The following ZEB1 variants were observed in gnomAD, a reference collection of about 807,000 sequenced individuals.
ZEB1 encodes the protein zinc finger E-box-binding homeobox 1.
In ZEB1, 21 loss-of-function variants were observed where a neutral mutation model predicts 84.9. The ratio of observed to expected loss-of-function variants is 0.25; its 90% CI spans 0.18 to 0.36. The LOEUF is 0.36. Ranked by LOEUF, ZEB1 falls within the 10% of genes least tolerant of loss-of-function variation. ZEB1 has a pLI of 1.00. For synonymous variants in ZEB1, 420 were observed against 471.1 expected (o/e 0.89, Z 1.41); for missense variants, 1,104 against 1,330.2 (o/e 0.83, Z 2.65).
chr10:31,385,301 C>T (rs997840783), intron 1 of ZEB1, among the ~76,000 whole-genome samples: 31 of 152,156 alleles, frequency 2.0e-4, no homozygotes, highest in Non-Finnish European at 4.4e-5. Context: ...TGAAATGCAC[C>T]ATACACATTG....
upstream of ZEB1, chr10:31,319,140 T>TGGGGAGG (rs1202004701): frequency 2.2e-5 from 6 of 275,338 alleles, no homozygotes; most frequent in South Asian, 3.2e-5. Context: ...CCAGGTGCGG[T>TGGGGAGG]GGGGAGGGGG....
intron 2 of ZEB1, among the ~76,000 whole-genome samples, chr10:31,468,744 A>G (rs565414807): frequency 6.6e-6 from 1 of 152,306 alleles, no homozygotes; most frequent in African/African-American, 2.4e-5. Flanking sequence ...CAACATATGC[A>G]AGAGTCACAC....
chr10:31,376,072 C>A (rs1054876233), intron 1 of ZEB1, among the ~76,000 whole-genome samples: 1 of 151,628 alleles, frequency 6.6e-6, no homozygotes, highest in African/African-American at 2.4e-5. Context: ...ATAGTGAGAT[C>A]ATTATTAAAT....
intron 1 of ZEB1, among the ~76,000 whole-genome samples, chr10:31,402,028 A>G (rs1439070127): frequency 6.6e-6 from 1 of 152,026 alleles, no homozygotes; most frequent in Non-Finnish European, 1.5e-5. Context: ...GTACCTAGGT[A>G]GAGCAGTACC....
At chr10:31,435,521 C>T (rs1273706138) in intron 1 of ZEB1, among the ~76,000 whole-genome samples, 1 of 152,126 alleles carries the variant, frequency 6.6e-6, no homozygotes, top group Non-Finnish European at 1.5e-5. Context: ...AAGGATAAAG[C>T]ATGTTGGTTT....
At chr10:31,334,217 T>C (rs1378374140) in intron 1 of ZEB1, among the ~76,000 whole-genome samples, 1 of 152,092 alleles carries the variant, frequency 6.6e-6, no homozygotes, top group Non-Finnish European at 1.5e-5. Flanking sequence ...ATTCCACAAC[T>C]AAAGTAGAGG....
At position 31,419,932 on chromosome 10, in the gene ZEB1, G is replaced by A. The variant is rs185264971; in HGVS notation, c.59-41105G>A. 3.3e-5 allele frequency among the ~76,000 whole-genome samples: 5 copies of A among 152,238 alleles called. No individual in the cohort carries two copies. The East Asian group carries it at 9.7e-4, about 29-fold the overall frequency. On this transcript the variant is annotated intron_variant, in intron 1 of 8. Coordinates refer to ENST00000424869, the MANE Select transcript of ZEB1 (RefSeq NM_001174096.2). The stretch of plus-strand genomic sequence containing the variant: ...ATGTTGGCCTCATACCTCCGAAGTA[G>A]TATGTCTGGAATTAGCCTGTCTGTA...
rs1479213624 is a variant in ZEB1, at chr10:31,502,432, C to T, written c.407C>T (p.Thr136Ile). The T allele has an allele frequency of 1.2e-6, 2 of 1,613,744 alleles. No individual in the cohort carries two copies. The highest frequency in any genetic ancestry group is 2.7e-5 in the African/African-American group (2 of 74,874). The change falls in exon 4 of 9, where the codon ACT becomes ATT. Residue 136 changes from threonine (T) to isoleucine (I), a missense_variant. Thr to Ile is a moderately conservative substitution (Grantham distance 89). Coordinates refer to ENST00000424869, the MANE Select transcript of ZEB1 (RefSeq NM_001174096.2). ...NVEEFLQQQDTAVIFPEAPEE... is the reference protein window; with the variant it reads ...NVEEFLQQQDIAVIFPEAPEE... ...GAAGAGTTTCTACAACAACAAGACA[C>T]TGCTGTCATTTTTCCTGAGGCACCT... is the stretch of plus-strand genomic sequence containing the variant.
At chr10:31,496,554 T>C (rs545554807) in intron 3 of ZEB1, among the ~76,000 whole-genome samples, 5 of 152,172 alleles carry the variant, frequency 3.3e-5, no homozygotes, top group African/African-American at 7.2e-5. Flanking sequence ...TTGTGTTCCC[T>C]AAGAGAGCCA....
At chr10:31,494,106 A>C (rs2066909507) in intron 2 of ZEB1, among the ~76,000 whole-genome samples, 1 of 152,004 alleles carries the variant, frequency 6.6e-6, no homozygotes, top group Admixed American at 6.6e-5. Context: ...AATAATCAGT[A>C]ACTATATTAC....
In ZEB1 at chr10:31,410,013, C is replaced by T. The variant is rs184296769; in HGVS notation, c.59-51024C>T. Reference sequence around the variant, plus strand: ...GAATACCTTTTATTTCTTTCTCTTGCGTGATTGCCCAAGCCAGACTTCCAA... The same window carrying T: ...GAATACCTTTTATTTCTTTCTCTTGTGTGATTGCCCAAGCCAGACTTCCAA... On this transcript the variant is annotated intron_variant, in intron 1 of 8. Transcript: ENST00000424869. Among the ~76,000 whole-genome samples the T allele has an allele frequency of 3.9e-5, 6 of 152,258 alleles. 1 individual carries two copies. The highest frequency in any genetic ancestry group is 2.0e-4 in the Admixed American group (3 of 15,292).
chr10:31,394,799 G>A (rs2050397152), intron 1 of ZEB1, among the ~76,000 whole-genome samples: 1 of 152,200 alleles, frequency 6.6e-6, no homozygotes, highest in Non-Finnish European at 1.5e-5. Context: ...ATGAAGGATG[G>A]GAGGGTGTGA....
At chr10:31,408,282 C>A (rs113764641) in intron 1 of ZEB1, among the ~76,000 whole-genome samples, 8,589 of 149,940 alleles carry the variant, frequency 0.057, 340 homozygotes, top group Non-Finnish European at 0.081. Flanking sequence ...ATGCTCATGG[C>A]TAGGAAGAAT....
chr10:31,524,416 C>T (rs2073013792), intron 8 of ZEB1, among the ~76,000 whole-genome samples: 1 of 151,972 alleles, frequency 6.6e-6, no homozygotes, highest in Non-Finnish European at 1.5e-5. Flanking sequence ...GCCATGTTGC[C>T]CAGGCTGGTC....
At chr10:31,409,316 A>G (rs2053766844) in intron 1 of ZEB1, among the ~76,000 whole-genome samples, 1 of 152,144 alleles carries the variant, frequency 6.6e-6, no homozygotes, top group African/African-American at 2.4e-5. Flanking sequence ...AACTAGTTCA[A>G]CCATTGTGGA....
chr10:31,334,804 C>T (rs1157433115), intron 1 of ZEB1, among the ~76,000 whole-genome samples: 1 of 151,490 alleles, frequency 6.6e-6, no homozygotes, highest in Non-Finnish European at 1.5e-5. Context: ...TGGACCAATT[C>T]CTAAAAAAAA....
rs1289882573 is a variant in ZEB1 at position 31,458,602 on chromosome 10, ACCT to A, written c.59-2430_59-2428del. Among the ~76,000 whole-genome samples the A allele has an allele frequency of 2.6e-5, 4 of 151,892 alleles. No individual in the cohort carries two copies. The East Asian group carries it at 7.7e-4, about 29-fold the overall frequency. ...TTTATTGTATTGATATACTGAATAG[ACCT>A]CCTCAGATAATATTTATGGAAACAT... On this transcript the variant is annotated intron_variant, in intron 1 of 8. Coordinates refer to ENST00000424869, the MANE Select transcript of ZEB1 (RefSeq NM_001174096.2).
intron 1 of ZEB1, among the ~76,000 whole-genome samples, chr10:31,442,254 T>C (rs1193829247): frequency 1.3e-5 from 2 of 152,164 alleles, no homozygotes; most frequent in South Asian, 2.1e-4. Context: ...TCATGTCCTT[T>C]GTAGGGACAT....
chr10:31,444,850 T>C (rs2059550487), intron 1 of ZEB1, among the ~76,000 whole-genome samples: 2 of 152,026 alleles, frequency 1.3e-5, no homozygotes, highest in African/African-American at 4.8e-5. Flanking sequence ...GGTAGTGTGA[T>C]GCCTCCAGCT....
Sources: gnomAD v4.1 joint callset for allele counts (sites outside exome capture counted in the v4.1 genomes callset) on GRCh38, gnomAD v4.1.1 for gene constraint, MANE v1.5 for transcripts, NCBI Gene and HGNC (gene_info 2026-07-23, HGNC 2026-07-21) for gene names.